Variants in NRAP observed in about 807,000 individuals in gnomAD.
The protein encoded by NRAP is nebulin-related-anchoring protein.
In NRAP, 189 loss-of-function variants were observed where a neutral mutation model predicts 225.9. The ratio of observed to expected loss-of-function variants is 0.84; its 90% CI spans 0.74 to 0.94. The LOEUF is 0.94. Ranked by LOEUF, NRAP falls within the 40% of genes least tolerant of loss-of-function variation. NRAP has a pLI of 0.00. For missense variants in NRAP, 2,176 were observed against 2,168.7 expected, an observed-to-expected ratio of 1.00 and a Z score of -0.07; for synonymous variants, 769 against 790.7, an observed-to-expected ratio of 0.97 and a Z score of 0.46.
At position 113,631,764 on chromosome 10, in the gene NRAP, A is replaced by G. The variant is rs1030406762; in HGVS notation, c.1740+93T>C. On this transcript the variant is annotated intron_variant, in intron 17 of 41. Coordinates refer to ENST00000359988, the MANE Select transcript of NRAP (RefSeq NM_198060.4). ...AAGATTAAAGTATTGCGATGTTTAC[A>G]ATGTTAAGAGTCATTATTTTTTTCA... The G allele has an allele frequency of 1.6e-5, 15 of 919,416 alleles. No homozygotes were observed. In the African/African-American group the frequency reaches 2.0e-4, roughly 12 times the overall value. 57.0% of individuals were successfully genotyped at this position (919,416 alleles called of 1,614,324 possible). A position where few individuals can be genotyped will look rare whatever the true frequency, so the allele number is the denominator to read the frequency against.
intron 32 of NRAP, 29 bp from the exon 33 acceptor site, chr10:113,606,311 TGC>T: frequency 7.3e-7 from 1 of 1,360,670 alleles, no homozygotes; most frequent in Non-Finnish European, 1.1e-6. Context: ...ATAATAATAA[TGC>T]AAGAGATAAG....
Position 113,590,565 on chromosome 10 carries a change from G to A in NRAP, c.4956+13C>T, listed in dbSNP as rs775474263. On this transcript the variant is annotated intron_variant, in intron 40 of 41. Coordinates refer to ENST00000359988, the MANE Select transcript of NRAP (RefSeq NM_198060.4). ...GGGGAAGGGCCTCAAGGGAGTGGGT[G>A]GAGGTGGCTCACATCACTCTGCAGC... 2 of 1,604,270 alleles carry A rather than the reference G, an allele frequency of 1.2e-6. No individual in the cohort carries two copies. The highest frequency in any genetic ancestry group is 2.2e-5 in the South Asian group (2 of 90,976).
At chr10:113,627,104 G>A (rs996601461) in intron 20 of NRAP, among the ~76,000 whole-genome samples, 2 of 152,172 alleles carry the variant, frequency 1.3e-5, no homozygotes, top group Non-Finnish European at 2.9e-5. Context: ...CACAGTGATT[G>A]GAACACTGGA....
At chr10:113,660,000 C>T (rs943280485) in intron 3 of NRAP, among the ~76,000 whole-genome samples, 4 of 148,258 alleles carry the variant, frequency 2.7e-5, no homozygotes, top group African/African-American at 7.4e-5. Flanking sequence ...TATGGTTGTC[C>T]GTTTTACTTT....
At chr10:113,647,587 T>TCTCCCCCGGTGGTACTG (rs1849619154) in intron 9 of NRAP, among the ~76,000 whole-genome samples, 1 of 44,318 alleles carries the variant, frequency 2.3e-5, no homozygotes, top group African/African-American at 5.5e-5. Context: ...TGGTGGTACT[T>TCTCCCCCGGTGGTACTG]CCTCCCCTAG....
intron 3 of NRAP, among the ~76,000 whole-genome samples, chr10:113,659,225 T>G (rs570545103): frequency 1.3e-5 from 2 of 152,302 alleles, no homozygotes; most frequent in South Asian, 2.1e-4. Context: ...ACTACCAATA[T>G]TTTGGGCCAG....
intron 22 of NRAP, 80 bp from the exon 23 acceptor site, chr10:113,623,716 T>A (rs1848131317): frequency 2.2e-6 from 2 of 901,886 alleles, no homozygotes; most frequent in Non-Finnish European, 1.8e-6. Flanking sequence ...TAGATTCTAA[T>A]GACGATTCTA....
At chr10:113,657,426 G>A in intron 4 of NRAP, 44 bp downstream of exon 4, 1 of 963,390 alleles carries the variant, frequency 1.0e-6, no homozygotes, top group Non-Finnish European at 1.7e-6. Context: ...GACATAGTAT[G>A]TCATTCTTTC....
Position 113,589,714 on chromosome 10 carries a change from C to T in NRAP, c.5040G>A (p.Arg1680=). The T allele has an allele frequency of 1.2e-6, 2 of 1,614,162 alleles. No homozygotes were observed. Among genetic ancestry groups the T allele is most frequent in the Admixed American group, 1.7e-5 (1 of 60,024 alleles). Residue 1680 remains arginine (R), a synonymous_variant, in exon 41 of 42, where the codon CGG becomes CGA. Coordinates refer to ENST00000359988, the MANE Select transcript of NRAP (RefSeq NM_198060.4). ...PGSYKVEMAR[R]AAELANARGL... ...CCCTTGCGTTGGCCAGTTCCGCAGC[C>T]CGCCGAGCCATTTCCACTTTGTAGG...
intron 26 of NRAP, among the ~76,000 whole-genome samples, chr10:113,616,074 G>A (rs577514181): frequency 2.2e-4 from 33 of 152,298 alleles, no homozygotes; most frequent in African/African-American, 7.9e-4. Context: ...AAACTGCTGA[G>A]ATGGGTGTCA....
intron 11 of NRAP, 28 bp downstream of exon 11, chr10:113,645,797 A>C (rs771648743): frequency 1.8e-6 from 2 of 1,126,372 alleles, no homozygotes; most frequent in South Asian, 2.6e-5. Context: ...GGTGATGCTC[A>C]TGGGTGTGAC....
At chr10:113,612,705 G>A (rs1847408408) in intron 29 of NRAP, among the ~76,000 whole-genome samples, 1 of 152,214 alleles carries the variant, frequency 6.6e-6, no homozygotes, top group African/African-American at 2.4e-5. Context: ...CCAAGGAACA[G>A]TAAATAATGT....
rs374225423 is a variant in NRAP at position 113,599,681 on chromosome 10, G to A, written c.4228-1608C>T. Among the ~76,000 whole-genome samples the A allele has an allele frequency of 3.2e-4, 49 of 152,214 alleles. No individual in the cohort carries two copies. The South Asian group carries it at 8.7e-3, about 27-fold the overall frequency. On this transcript the variant is annotated intron_variant, in intron 35 of 41. Coordinates refer to ENST00000359988, the MANE Select transcript of NRAP (RefSeq NM_198060.4). ...TCCCAGCCCAGCTTTGACTATTCAC[G>A]CAGACCCTAAAAACAACACACTTGC... is the stretch of plus-strand genomic sequence containing the variant.
intron 34 of NRAP, among the ~76,000 whole-genome samples, chr10:113,605,300 G>T (rs1846886545): frequency 6.6e-6 from 1 of 152,256 alleles, no homozygotes; most frequent in Non-Finnish European, 1.5e-5. Flanking sequence ...GTGGGAAAGA[G>T]AAAGTCACCT....
intron 11 of NRAP, among the ~76,000 whole-genome samples, chr10:113,643,952 G>A (rs1849352561): frequency 6.6e-6 from 1 of 151,970 alleles, no homozygotes; most frequent in Non-Finnish European, 1.5e-5. Flanking sequence ...AGACCAGCCT[G>A]GCCAGCAGAC....
intron 20 of NRAP, among the ~76,000 whole-genome samples, chr10:113,628,278 C>A (rs897021443): frequency 1.3e-5 from 2 of 152,168 alleles, no homozygotes; most frequent in African/African-American, 4.8e-5. Context: ...ACCTCTGCCT[C>A]CCAGGTTCAA....
chr10:113,652,528 C>G (rs1850040629), intron 6 of NRAP, among the ~76,000 whole-genome samples: 1 of 151,760 alleles, frequency 6.6e-6, no homozygotes, highest in Admixed American at 6.6e-5. Flanking sequence ...GCCTGTAGTC[C>G]AGCTACTCGG....
intron 34 of NRAP, 122 bp from the exon 35 acceptor site, chr10:113,605,042 T>C: frequency 9.7e-7 from 1 of 1,026,548 alleles, no homozygotes; most frequent in Non-Finnish European, 1.4e-6. Flanking sequence ...GGGGCTGGCC[T>C]GAGAGTGTGC....
chr10:113,588,787 C>T lies in NRAP; in HGVS notation c.*188G>A, dbSNP rs557625429. The stretch of plus-strand genomic sequence containing the variant: ...GGCACTCAACAGAATCAGCCATCCA[C>T]GTCTAGGTATCAGAGAGGACCACAA... On this transcript the variant is annotated 3_prime_UTR_variant, in exon 42 of 42. Transcript: ENST00000359988. The T allele has an allele frequency of 2.1e-4, 124 of 596,032 alleles. 1 individual carries two copies. The highest frequency in any genetic ancestry group is 2.6e-4 in the Non-Finnish European group (86 of 335,966). 36.9% of individuals were successfully genotyped at this position (596,032 alleles called of 1,614,324 possible). A position where few individuals can be genotyped will look rare whatever the true frequency, so the allele number is the denominator to read the frequency against.
Sources: gnomAD v4.1 joint callset for allele counts (sites outside exome capture counted in the v4.1 genomes callset) on GRCh38, gnomAD v4.1.1 for gene constraint, MANE v1.5 for transcripts, NCBI Gene and HGNC (gene_info 2026-07-23, HGNC 2026-07-21) for gene names.